DCDC1: variants seen among roughly 807,000 people sequenced by gnomAD.
The protein encoded by DCDC1 is doublecortin domain containing 1.
In DCDC1, 200 loss-of-function variants were observed where a neutral mutation model predicts 178.3. The observed-to-expected ratio is 1.12, with a 90% CI of 1.00 to 1.26. The LOEUF (loss-of-function observed/expected upper bound fraction) is 1.26. Ranked by LOEUF, DCDC1 falls within the 50% of genes most tolerant of loss-of-function variation. DCDC1 has a pLI of 0.00. For missense variants in DCDC1, 1,983 were observed against 1,749.2 expected, an observed-to-expected ratio of 1.13 and a Z score of -2.38; for synonymous variants, 690 against 604.8, an observed-to-expected ratio of 1.14 and a Z score of -2.07.
At chr11:31,127,786 A>G (rs945559751) in intron 10 of DCDC1, 147 bp from the exon 11 acceptor site, 1 of 554,632 alleles carries the variant, frequency 1.8e-6, no homozygotes, top group African/African-American at 1.9e-5. Context: ...AAAAACAATG[A>G]AAGAGATATA....
At chr11:30,933,412 T>G (rs972594964) in intron 21 of DCDC1, among the ~76,000 whole-genome samples, 4 of 152,180 alleles carry the variant, frequency 2.6e-5, no homozygotes, top group African/African-American at 9.6e-5. Context: ...CTTCATTTAC[T>G]GAGATTTGCC....
chr11:31,186,390 T>C (rs982935232), intron 9 of DCDC1, among the ~76,000 whole-genome samples: 15 of 152,238 alleles, frequency 9.9e-5, no homozygotes, highest in Admixed American at 9.8e-4. Context: ...GAGGGCCTCC[T>C]TGAGCAGCCA....
At chr11:31,222,312 C>A (rs1974362750) in intron 9 of DCDC1, among the ~76,000 whole-genome samples, 1 of 152,140 alleles carries the variant, frequency 6.6e-6, no homozygotes, top group Non-Finnish European at 1.5e-5. Flanking sequence ...GATCCACCCA[C>A]CTCAGCCTCC....
At chr11:30,971,598 C>A (rs956800484) in intron 20 of DCDC1, among the ~76,000 whole-genome samples, 13 of 144,862 alleles carry the variant, frequency 9.0e-5, no homozygotes, top group African/African-American at 1.5e-4. Flanking sequence ...TAAAAACAGG[C>A]CTTTGTTTTT....
At chr11:30,939,133 A>G (rs1204411478) in intron 21 of DCDC1, among the ~76,000 whole-genome samples, 1 of 152,078 alleles carries the variant, frequency 6.6e-6, no homozygotes, top group Non-Finnish European at 1.5e-5. Context: ...TTATAGTCCA[A>G]TTTTCCTATC....
intron 9 of DCDC1, among the ~76,000 whole-genome samples, chr11:31,146,546 G>A (rs1435364947): frequency 1.3e-5 from 2 of 152,142 alleles, no homozygotes; most frequent in African/African-American, 2.4e-5. Flanking sequence ...CTGCCCTTTG[G>A]AATGTACACA....
chr11:30,924,096 G>A (rs1466456172), intron 23 of DCDC1, among the ~76,000 whole-genome samples: 3 of 152,038 alleles, frequency 2.0e-5, no homozygotes, highest in Non-Finnish European at 2.9e-5. Flanking sequence ...TACCTGCTTT[G>A]CCATGGTGGC....
intron 20 of DCDC1, among the ~76,000 whole-genome samples, chr11:30,993,023 C>G (rs939772144): frequency 6.6e-6 from 1 of 151,920 alleles, no homozygotes; most frequent in Admixed American, 6.6e-5. Context: ...TTAGGCTTAA[C>G]TTTCCTAAAT....
At chr11:31,263,018 T>A in intron 8 of DCDC1, 1 of 1,609,088 alleles carries the variant, frequency 6.2e-7, no homozygotes, top group Admixed American at 1.7e-5. Context: ...GCACGAGTCA[T>A]GAATCCGAAT....
chr11:30,892,051 C>T (rs1943830045), intron 36 of DCDC1, among the ~76,000 whole-genome samples: 2 of 152,122 alleles, frequency 1.3e-5, no homozygotes, highest in Admixed American at 1.3e-4. Context: ...CAGAAAAATT[C>T]ATGAAAACAT....
At chr11:31,015,245 G>A (rs955146030) in intron 20 of DCDC1, among the ~76,000 whole-genome samples, 5 of 152,046 alleles carry the variant, frequency 3.3e-5, no homozygotes, top group African/African-American at 1.2e-4. Context: ...ACCGTGCCAG[G>A]CCTATTCTCC....
intron 10 of DCDC1, among the ~76,000 whole-genome samples, chr11:31,130,169 C>A (rs1334986108): frequency 6.6e-6 from 1 of 152,142 alleles, no homozygotes; most frequent in African/African-American, 2.4e-5. Flanking sequence ...TCTCTTATAT[C>A]CAAGTCCACT....
At chr11:31,093,727 T>G (rs1957955232) in intron 16 of DCDC1, among the ~76,000 whole-genome samples, 1 of 152,158 alleles carries the variant, frequency 6.6e-6, no homozygotes, top group Admixed American at 6.5e-5. Flanking sequence ...AATGAAGATC[T>G]AGGAGTAGAA....
Position 31,077,914 on chromosome 11 carries a change from T to A in DCDC1, c.2249A>T (p.Asp750Val). The change falls in exon 18 of 39, where the codon GAT (aspartate) becomes GTT (valine). Residue 750 changes from aspartate (D) to valine (V), a missense_variant. Transcript: ENST00000684477. ...KLILQKRHSG[D>V]DSQKWVFGTD... Reference sequence around the variant, plus strand: ...TCCAAACACCCACTTCTGAGAGTCATCTCCACTATGTCTGTAACGAAAATG... The same window carrying A: ...TCCAAACACCCACTTCTGAGAGTCAACTCCACTATGTCTGTAACGAAAATG... 1.3e-6 allele frequency: 1 copy of A among 766,200 alleles called. No homozygotes were observed. Among genetic ancestry groups the A allele is most frequent in the Non-Finnish European group, 2.4e-6 (1 of 417,748 alleles). 47.5% of individuals were successfully genotyped at this position (766,200 alleles called of 1,614,324 possible).
At chr11:31,283,386 T>A (rs1220038978) in intron 7 of DCDC1, among the ~76,000 whole-genome samples, 1 of 152,048 alleles carries the variant, frequency 6.6e-6, no homozygotes, top group African/African-American at 2.4e-5. Context: ...TGTTTTTTGT[T>A]TTTTTTGCAG....
At chr11:31,016,070 C>A (rs1205215303) in intron 20 of DCDC1, among the ~76,000 whole-genome samples, 1 of 152,122 alleles carries the variant, frequency 6.6e-6, no homozygotes, top group Non-Finnish European at 1.5e-5. Flanking sequence ...GGGGTTGGGT[C>A]CCATCTGTGT....
At chr11:30,935,773 C>G (rs567441749) in intron 21 of DCDC1, among the ~76,000 whole-genome samples, 4 of 152,130 alleles carry the variant, frequency 2.6e-5, no homozygotes, top group Non-Finnish European at 4.4e-5. Flanking sequence ...AGGCTGGTCT[C>G]GAACTCCTGA....
intron 10 of DCDC1, among the ~76,000 whole-genome samples, chr11:31,131,592 G>A (rs1320570855): frequency 6.6e-6 from 1 of 152,144 alleles, no homozygotes; most frequent in Non-Finnish European, 1.5e-5. Flanking sequence ...GACCAATACA[G>A]GACAGGTGGC....
chr11:30,979,958 G>T (rs986621068), intron 20 of DCDC1, among the ~76,000 whole-genome samples: 1 of 152,112 alleles, frequency 6.6e-6, no homozygotes, highest in African/African-American at 2.4e-5. Flanking sequence ...CCTCTCAAAA[G>T]GGTCATTTAT....
Sources: allele counts gnomAD v4.1 joint callset (sites outside exome capture counted in the v4.1 genomes callset), GRCh38; gene constraint gnomAD v4.1.1; transcripts MANE v1.5; gene names NCBI Gene and HGNC (gene_info 2026-07-23, HGNC 2026-07-21).